UTRN: variants seen among roughly 807,000 people sequenced by gnomAD.
The protein encoded by UTRN is utrophin.
Under a neutral mutation model 463.9 loss-of-function variants are expected in UTRN, and 283 were observed. The ratio of observed to expected loss-of-function variants is 0.61; its 90% CI spans 0.55 to 0.67. The LOEUF is 0.67. UTRN is among the 30% of genes least tolerant of loss of function. The pLI, the probability that UTRN is intolerant of heterozygous loss-of-function variation, is 0.00. For missense variants in UTRN, 3,922 were observed against 4,084.3 expected (o/e 0.96, Z 1.08); for synonymous variants, 1,442 against 1,431.5 (o/e 1.01, Z -0.17).
intron 51 of UTRN, among the ~76,000 whole-genome samples, chr6:144,584,180 C>G (rs1046537970): frequency 1.3e-5 from 2 of 152,158 alleles, no homozygotes; most frequent in Non-Finnish European, 2.9e-5. Flanking sequence ...ATTAAGTAGA[C>G]TTACTGGAGA....
At chr6:144,628,228 A>C (rs1034067345) in intron 51 of UTRN, among the ~76,000 whole-genome samples, 1 of 152,206 alleles carries the variant, frequency 6.6e-6, no homozygotes, top group Non-Finnish European at 1.5e-5. Context: ...ATTGGTGTAC[A>C]AGTATCCGTT....
rs538816110 is a variant in UTRN, at chr6:144,567,422, A to G, written c.7290-9677A>G. ...AGGATGTGGTGAGGGAAATCCTCTC[A>G]AAGAAATGGCTCTGTGGTCTTGACT... On this transcript the variant is annotated intron_variant, in intron 50 of 74. Coordinates refer to ENST00000367545, the MANE Select transcript of UTRN (RefSeq NM_007124.3). Among the ~76,000 whole-genome samples, 6 of 152,294 alleles carry G rather than the reference A, an allele frequency of 3.9e-5. No individual in the cohort carries two copies. The East Asian group carries it at 9.6e-4, about 24-fold the overall frequency.
At chr6:144,770,930 G>A (rs1793936898) in intron 58 of UTRN, among the ~76,000 whole-genome samples, 1 of 152,090 alleles carries the variant, frequency 6.6e-6, no homozygotes, top group Non-Finnish European at 1.5e-5. Context: ...TCGACTCAAG[G>A]TAGAAGAGGA....
At chr6:144,604,589 A>AT (rs948133670) in intron 51 of UTRN, among the ~76,000 whole-genome samples, 3 of 151,824 alleles carry the variant, frequency 2.0e-5, no homozygotes, top group East Asian at 1.9e-4. Flanking sequence ...ATACTTTGTA[A>AT]TTTTTTTTCA....
chr6:144,298,284 C>T (rs1170464359), intron 2 of UTRN, among the ~76,000 whole-genome samples: 1 of 152,148 alleles, frequency 6.6e-6, no homozygotes, highest in Non-Finnish European at 1.5e-5. Context: ...GGCTCTTGGA[C>T]TGAGAAATTG....
At chr6:144,555,259 T>C (rs1021481494) in intron 49 of UTRN, among the ~76,000 whole-genome samples, 23 of 152,028 alleles carry the variant, frequency 1.5e-4, no homozygotes, top group African/African-American at 5.6e-4. Flanking sequence ...TGAGACTGAG[T>C]AATTTATGAA....
chr6:144,812,189 A>G (rs79963052), intron 65 of UTRN, among the ~76,000 whole-genome samples: 5,467 of 148,600 alleles, frequency 0.037, 287 homozygotes, highest in African/African-American at 0.12. Flanking sequence ...GTTTTGTTTA[A>G]ATTGTTTGGT....
At chr6:144,590,838 C>CAA (rs1403243171) in intron 51 of UTRN, among the ~76,000 whole-genome samples, 9 of 117,842 alleles carry the variant, frequency 7.6e-5, no homozygotes, top group Non-Finnish European at 1.4e-4. Flanking sequence ...CTCTCTCTCT[C>CAA]AATCTACACA....
At chr6:144,332,889 A>G (rs1776436952) in intron 2 of UTRN, among the ~76,000 whole-genome samples, 1 of 151,482 alleles carries the variant, frequency 6.6e-6, no homozygotes, top group South Asian at 2.1e-4. Context: ...TAATGTTCTC[A>G]TGCTGATATT....
At chr6:144,700,019 A>G (rs1586092394) in intron 52 of UTRN, 68 bp from the exon 53 acceptor site, 1 of 1,461,232 alleles carries the variant, frequency 6.8e-7, no homozygotes, top group Non-Finnish European at 9.1e-7. Context: ...AAAGGAAGGT[A>G]GATAATTTTG....
chr6:144,363,021 G>T (rs1779209726), intron 2 of UTRN, among the ~76,000 whole-genome samples: 1 of 152,014 alleles, frequency 6.6e-6, no homozygotes, highest in Non-Finnish European at 1.5e-5. Context: ...TTTGGGTATG[G>T]TTTGCTATTT....
intron 51 of UTRN, among the ~76,000 whole-genome samples, chr6:144,588,985 T>C (rs1320631182): frequency 6.6e-6 from 1 of 152,210 alleles, no homozygotes; most frequent in Non-Finnish European, 1.5e-5. Flanking sequence ...CTTTTCATTT[T>C]TCATCTTCTA....
chr6:144,712,302 G>A (rs1176809834), intron 53 of UTRN, among the ~76,000 whole-genome samples: 2 of 152,056 alleles, frequency 1.3e-5, no homozygotes, highest in Non-Finnish European at 2.9e-5. Context: ...TCTGCACCTG[G>A]ACTTGTCTCC....
intron 34 of UTRN, among the ~76,000 whole-genome samples, chr6:144,506,319 A>G (rs1418694768): frequency 6.6e-6 from 1 of 151,900 alleles, no homozygotes; most frequent in Middle Eastern, 3.2e-3. Flanking sequence ...TTATCTGGTT[A>G]TTTTGCCCAT....
At chr6:144,474,923 A>G (rs1196203178) in intron 25 of UTRN, among the ~76,000 whole-genome samples, 164 bp downstream of exon 25, 1 of 152,216 alleles carries the variant, frequency 6.6e-6, no homozygotes, top group East Asian at 1.9e-4. Context: ...ATCATTTTTT[A>G]AATTAAGAGA....
At chr6:144,658,685 G>A (rs1162008201) in intron 51 of UTRN, among the ~76,000 whole-genome samples, 1 of 152,166 alleles carries the variant, frequency 6.6e-6, no homozygotes, top group East Asian at 1.9e-4. Context: ...AGAGAAACAT[G>A]TTTCAAATGG....
Position 144,482,082 on chromosome 6 carries a change from T to G in UTRN, c.3508-127T>G, listed in dbSNP as rs117234153. ...TCACTGTTACCTAAATAATGTTCTA[T>G]TTTGGCAGTTAGAATCATCCAGATG... On this transcript the variant is annotated intron_variant, in intron 26 of 74. Coordinates refer to ENST00000367545, the MANE Select transcript of UTRN (RefSeq NM_007124.3). The G allele has an allele frequency of 4.8e-3, 3,732 of 773,284 alleles. 28 individuals carry two copies. The highest frequency in any genetic ancestry group is 6.2e-3 in the South Asian group (160 of 25,810). 47.9% of individuals were successfully genotyped at this position (773,284 alleles called of 1,614,324 possible). A position where few individuals can be genotyped will look rare whatever the true frequency, so the allele number is the denominator to read the frequency against.
rs116383060 is a variant in UTRN, at chr6:144,421,256, G to A, written c.142-622G>A. On this transcript the variant is annotated intron_variant, in intron 3 of 74. Transcript: ENST00000367545. ...TTCTGAGCTTGCCTCGGCCTCCCAA[G>A]TGCTGGAATTACAGGCATGAACCAC... is the stretch of plus-strand genomic sequence containing the variant. Among the ~76,000 whole-genome samples the A allele has an allele frequency of 8.5e-3, 1,294 of 152,156 alleles. 15 individuals carry two copies. Among genetic ancestry groups the A allele is most frequent in the African/African-American group, 0.029 (1,206 of 41,506 alleles).
At chr6:144,572,021 T>TTTTG (rs1194400116) in intron 50 of UTRN, among the ~76,000 whole-genome samples, 2 of 152,070 alleles carry the variant, frequency 1.3e-5, no homozygotes, top group East Asian at 3.9e-4. Context: ...TTTTTGCCTT[T>TTTTG]TTTGTTTGTT....
Sources: gnomAD v4.1 joint callset for allele counts (sites outside exome capture counted in the v4.1 genomes callset) on GRCh38, gnomAD v4.1.1 for gene constraint, MANE v1.5 for transcripts, NCBI Gene and HGNC (gene_info 2026-07-23, HGNC 2026-07-21) for gene names.